Variants in NECTIN3 observed in about 807,000 individuals in gnomAD.
NECTIN3 encodes nectin-3.
In NECTIN3, 8 loss-of-function variants were observed where a neutral mutation model predicts 49.4. That is an observed-to-expected ratio of 0.16 (90% CI 0.10 to 0.29). The LOEUF (loss-of-function observed/expected upper bound fraction) is 0.29, where lower values mean the gene tolerates loss of function less well. Ranked by LOEUF, NECTIN3 falls within the 10% of genes least tolerant of loss-of-function variation. The pLI is 1.00. For missense variants in NECTIN3, 581 were observed against 654.6 expected (o/e 0.89, Z 1.23); for synonymous variants, 277 against 241.1 (o/e 1.15, Z -1.38).
intron 5 of NECTIN3, among the ~76,000 whole-genome samples, chr3:111,143,631 C>T (rs968253461): frequency 2.0e-5 from 3 of 151,850 alleles, no homozygotes; most frequent in African/African-American, 7.2e-5. Flanking sequence ...TGTAACTTTG[C>T]CGTGTCTGGG....
At chr3:111,083,429 G>T (rs550949508) in intron 1 of NECTIN3, among the ~76,000 whole-genome samples, 65 of 152,244 alleles carry the variant, frequency 4.3e-4, no homozygotes, top group Non-Finnish European at 7.4e-4. Context: ...CTCATGATGT[G>T]ATTAGTGTCC....
intron 7 of NECTIN3, among the ~76,000 whole-genome samples, chr3:111,152,153 A>C (rs73854915): frequency 0.039 from 5,878 of 151,950 alleles, 148 homozygotes; most frequent in African/African-American, 0.063. Flanking sequence ...ATAGTTTGTA[A>C]TGTCAAAAGA....
intron 1 of NECTIN3, among the ~76,000 whole-genome samples, chr3:111,092,042 G>T (rs373200877): frequency 6.6e-6 from 1 of 152,178 alleles, no homozygotes; most frequent in Non-Finnish European, 1.5e-5. Flanking sequence ...GATGGCTGAT[G>T]ATGTTGAGCA....
downstream of NECTIN3, among the ~76,000 whole-genome samples, chr3:111,141,182 TATTG>T (rs1346192074): frequency 6.6e-6 from 1 of 151,876 alleles, no homozygotes; most frequent in Non-Finnish European, 1.5e-5. Flanking sequence ...TAATAAGTCA[TATTG>T]AGAAAATAAA....
chr3:111,188,206 A>G (rs936916635), upstream of NECTIN3, among the ~76,000 whole-genome samples: 1 of 152,234 alleles, frequency 6.6e-6, no homozygotes, highest in Non-Finnish European at 1.5e-5. Context: ...TAAGTTCCTT[A>G]TGTATTGAGC....
At chr3:111,083,923 A>C (rs866099401) in intron 1 of NECTIN3, among the ~76,000 whole-genome samples, 2 of 152,216 alleles carry the variant, frequency 1.3e-5, no homozygotes, top group Non-Finnish European at 2.9e-5. Context: ...GCCATAGCCC[A>C]AGAAAATATA....
intron 1 of NECTIN3, among the ~76,000 whole-genome samples, chr3:111,097,302 C>G (rs1012764051): frequency 6.6e-6 from 1 of 151,950 alleles, no homozygotes; most frequent in Non-Finnish European, 1.5e-5. Context: ...ACCTGTACCC[C>G]CATTGTATCT....
At chr3:111,072,352 G>T in intron 1 of NECTIN3, 175 bp downstream of exon 1, 3 of 1,470,114 alleles carry the variant, frequency 2.0e-6, no homozygotes, top group Non-Finnish European at 2.7e-6. Context: ...CCCTGGAAGG[G>T]CCAGGCCAGC....
intron 2 of NECTIN3, among the ~76,000 whole-genome samples, chr3:111,115,510 C>G (rs140371763): frequency 6.6e-6 from 1 of 152,182 alleles, no homozygotes; most frequent in Admixed American, 6.6e-5. Context: ...TACAGAATTT[C>G]AGATCCCTCT....
chr3:111,191,425 C>T (rs2035809946), upstream of NECTIN3, among the ~76,000 whole-genome samples: 1 of 152,106 alleles, frequency 6.6e-6, no homozygotes, highest in South Asian at 2.1e-4. Context: ...TATGAAGGCA[C>T]AGAAAAGGGT....
In NECTIN3 at chr3:111,135,010, T is replaced by C. The variant is rs1341784183; in HGVS notation, c.*795T>C. 1 of 979,292 alleles carries C rather than the reference T, an allele frequency of 1.0e-6. No homozygotes were observed. The highest frequency in any genetic ancestry group is 1.2e-6 in the Non-Finnish European group (1 of 824,664). The allele number at this position is 979,292 out of a possible 1,614,324, so 60.7% of individuals were successfully genotyped here. A position where few individuals can be genotyped will look rare whatever the true frequency, so the allele number is the denominator to read the frequency against. On this transcript the variant is annotated 3_prime_UTR_variant, in exon 6 of 6. Transcript: ENST00000485303. Reference sequence around the variant, plus strand: ...TTCCTTTCTGGAACATGGATTTTGGTACATTAGCAGTAGCCTTATTTTAAT... The same window carrying C: ...TTCCTTTCTGGAACATGGATTTTGGCACATTAGCAGTAGCCTTATTTTAAT...
At chr3:111,177,811 G>A (rs929068025) in intron 7 of NECTIN3, among the ~76,000 whole-genome samples, 3 of 152,192 alleles carry the variant, frequency 2.0e-5, no homozygotes, top group Non-Finnish European at 2.9e-5. Flanking sequence ...CAGTGCATAT[G>A]TGCATTTGTA....
intron 1 of NECTIN3, among the ~76,000 whole-genome samples, chr3:111,091,346 C>A (rs1051753228): frequency 2.0e-5 from 3 of 152,136 alleles, no homozygotes; most frequent in African/African-American, 7.2e-5. Flanking sequence ...AGCTCCGCCT[C>A]CCAGGTTCAC....
chr3:111,179,450 C>A (rs1482423239), intron 7 of NECTIN3, among the ~76,000 whole-genome samples: 1 of 152,162 alleles, frequency 6.6e-6, no homozygotes, highest in Admixed American at 6.5e-5. Context: ...TACTGAGCAC[C>A]TACTCTGATA....
At chr3:111,083,616 A>G (rs1313672384) in intron 1 of NECTIN3, among the ~76,000 whole-genome samples, 6 of 152,176 alleles carry the variant, frequency 3.9e-5, no homozygotes, top group Admixed American at 3.9e-4. Context: ...CAGCTAGTCT[A>G]TGGTATTTTG....
upstream of NECTIN3, among the ~76,000 whole-genome samples, chr3:111,188,802 G>A (rs1374498937): frequency 6.6e-6 from 1 of 152,130 alleles, no homozygotes; most frequent in South Asian, 2.1e-4. Flanking sequence ...TTAACCCAGG[G>A]TGTTCAGCAA....
intron 1 of NECTIN3, chr3:111,193,160 A>G (rs1182752623): frequency 6.0e-6 from 9 of 1,497,400 alleles, no homozygotes; most frequent in Non-Finnish European, 7.2e-6. Context: ...AAAAATGCAA[A>G]CAGCTGCTCT....
In NECTIN3 at chr3:111,136,349, G is replaced by A. The variant is rs1576152544; in HGVS notation, c.*2134G>A. ...TACATTGTGGTTATTTGTGCGATTA[G>A]GTTTTTTTGTTTGTTTCTTTTGTGT... On this transcript the variant is annotated 3_prime_UTR_variant, in exon 6 of 6. Transcript: ENST00000485303. 3 of 984,688 alleles carry A rather than the reference G, an allele frequency of 3.0e-6. No individual in the cohort carries two copies. Among genetic ancestry groups the A allele is most frequent in the South Asian group, 4.7e-5 (1 of 21,284 alleles). The allele number at this position is 984,688 out of a possible 1,614,324, so 61.0% of individuals were successfully genotyped here.
chr3:111,147,438 T>C lies in NECTIN3; in HGVS notation c.1175T>C (p.Leu392Pro), dbSNP rs745890410. ...CCACCCACACATAAACCACCTCCTC[T>C]GTATGAAGAACGATCCCCACCTTTG... Residue 392 changes from leucine to proline, a missense_variant, in exon 7 of 9, where the codon CTG becomes CCG. By Grantham distance (98) the Leu-to-Pro change is moderately conservative. Coordinates refer to the NECTIN3 transcript ENST00000493615. The C allele has an allele frequency of 1.1e-5, 17 of 1,533,650 alleles. No individual in the cohort carries two copies. In the Middle Eastern group the frequency reaches 8.3e-4, roughly 75 times the overall value.
Sources: allele counts gnomAD v4.1 joint callset (sites outside exome capture counted in the v4.1 genomes callset), GRCh38; gene constraint gnomAD v4.1.1; transcripts MANE v1.5; gene names NCBI Gene and HGNC (gene_info 2026-07-23, HGNC 2026-07-21).